SLIT3: variants seen among roughly 807,000 people sequenced by gnomAD.
The protein encoded by SLIT3 is slit homolog 3 protein.
SLIT3 carries 68 observed loss-of-function variants against 184.0 expected under a neutral mutation model. The ratio of observed to expected loss-of-function variants is 0.37; its 90% CI spans 0.30 to 0.45. The LOEUF is 0.45. Among genes scored for constraint, SLIT3 ranks in the 20% least tolerant of loss-of-function variants. SLIT3 has a pLI of 1.00. For missense variants in SLIT3, 1,707 were observed against 2,026.0 expected (o/e 0.84, Z 3.02); for synonymous variants, 831 against 828.6 (o/e 1.00, Z -0.05).
rs186743585 is a variant in SLIT3, at chr5:168,803,913, T to C, written c.935+2533A>G. ...TGAGGGAAGGGAAGTGAAGGTTAAC[T>C]GGGTGGAGAAAGAGGTGGGCAGAGT... On this transcript the variant is annotated intron_variant, in intron 9 of 35. Coordinates refer to ENST00000519560, the MANE Select transcript of SLIT3 (RefSeq NM_003062.4). Among the ~76,000 whole-genome samples the C allele has an allele frequency of 2.0e-5, 3 of 150,012 alleles. No individual in the cohort carries two copies. The East Asian group carries it at 5.9e-4, about 30-fold the overall frequency.
At chr5:168,680,653 C>T (rs1444019052) in intron 32 of SLIT3, among the ~76,000 whole-genome samples, 8 of 152,044 alleles carry the variant, frequency 5.3e-5, no homozygotes, top group African/African-American at 1.9e-4. Context: ...TGTGGTTGGA[C>T]TGGCCTCCTG....
intron 18 of SLIT3, among the ~76,000 whole-genome samples, chr5:168,750,049 AC>A (rs1220468013): frequency 6.6e-6 from 1 of 152,130 alleles, no homozygotes; most frequent in African/African-American, 2.4e-5. Context: ...CAAGTGGGAT[AC>A]TTCAGCCCTA....
At chr5:169,211,604 C>T (rs1214788339) in intron 3 of SLIT3, among the ~76,000 whole-genome samples, 2 of 152,076 alleles carry the variant, frequency 1.3e-5, no homozygotes, top group Admixed American at 1.3e-4. Context: ...TGGGCCTCTT[C>T]CTTTTTTATT....
At chr5:168,828,658 C>CAAAAAAAAAAA (rs56974958) in intron 6 of SLIT3, among the ~76,000 whole-genome samples, 6 of 97,140 alleles carry the variant, frequency 6.2e-5, no homozygotes, top group Admixed American at 1.1e-4. Flanking sequence ...GATCCTGACT[C>CAAAAAAAAAAA]AAAAAAAAAA....
intron 20 of SLIT3, 105 bp downstream of exon 20, chr5:168,748,197 C>T (rs988609466): frequency 2.2e-5 from 28 of 1,299,206 alleles, no homozygotes; most frequent in Non-Finnish European, 2.6e-5. Context: ...GGTCTCCCCC[C>T]GGCAGTTTCG....
chr5:169,088,574 T>A (rs1462672666), intron 4 of SLIT3, among the ~76,000 whole-genome samples: 1 of 152,058 alleles, frequency 6.6e-6, no homozygotes, highest in African/African-American at 2.4e-5. Flanking sequence ...GTCAGAGGAA[T>A]GCAGTATGGA....
At chr5:168,850,786 A>C (rs1758640154) in intron 5 of SLIT3, among the ~76,000 whole-genome samples, 1 of 152,248 alleles carries the variant, frequency 6.6e-6, no homozygotes, top group African/African-American at 2.4e-5. Context: ...TCTCAGCAGG[A>C]GAATAACTGC....
chr5:169,006,263 T>C (rs1474868315), intron 4 of SLIT3, among the ~76,000 whole-genome samples: 1 of 152,212 alleles, frequency 6.6e-6, no homozygotes, highest in Non-Finnish European at 1.5e-5. Flanking sequence ...TCTCTAATCA[T>C]CTATTTTATT....
chr5:169,034,692 T>C (rs1757164022), intron 4 of SLIT3, among the ~76,000 whole-genome samples: 1 of 151,796 alleles, frequency 6.6e-6, no homozygotes, highest in Non-Finnish European at 1.5e-5. Flanking sequence ...ATCAAATAAA[T>C]AAAAATCTCA....
chr5:169,225,003 A>G (rs1764754917), intron 3 of SLIT3, among the ~76,000 whole-genome samples: 1 of 152,210 alleles, frequency 6.6e-6, no homozygotes, highest in Non-Finnish European at 1.5e-5. Flanking sequence ...AATTAAATAC[A>G]CACTTTAAAA....
chr5:168,924,483 GGTGTGTAAGGGTGTGTGT>G (rs1239610394), intron 4 of SLIT3, among the ~76,000 whole-genome samples: 2 of 146,972 alleles, frequency 1.4e-5, no homozygotes, highest in African/African-American at 2.6e-5. Context: ...AACATTTAAG[GGTGTGTAAGGGTGTGTGT>G]GTGTGTATGT....
chr5:169,188,791 T>C (rs1489281090), intron 4 of SLIT3, among the ~76,000 whole-genome samples: 2 of 152,086 alleles, frequency 1.3e-5, no homozygotes, highest in South Asian at 2.1e-4. Context: ...CATGGAGAGG[T>C]CAGTTCTACC....
intron 4 of SLIT3, among the ~76,000 whole-genome samples, chr5:169,100,622 A>T (rs1253394572): frequency 6.6e-6 from 1 of 152,222 alleles, no homozygotes; most frequent in Non-Finnish European, 1.5e-5. Context: ...AGAGGGACAC[A>T]AACGCACTAA....
intron 4 of SLIT3, among the ~76,000 whole-genome samples, chr5:169,100,482 G>T (rs894003237): frequency 3.3e-5 from 5 of 152,200 alleles, no homozygotes; most frequent in Non-Finnish European, 7.3e-5. Flanking sequence ...ATGAAAGCAG[G>T]TAAAGAGTTT....
At chr5:169,011,156 G>C (rs930029016) in intron 4 of SLIT3, among the ~76,000 whole-genome samples, 1 of 152,124 alleles carries the variant, frequency 6.6e-6, no homozygotes, top group Non-Finnish European at 1.5e-5. Context: ...ACCCTGAATT[G>C]CTTCTGAGTC....
At chr5:168,941,895 C>A (rs894199524) in intron 4 of SLIT3, among the ~76,000 whole-genome samples, 1 of 152,200 alleles carries the variant, frequency 6.6e-6, no homozygotes, top group Admixed American at 6.5e-5. Flanking sequence ...GACTGTTAAG[C>A]TTTGGACCCG....
At chr5:169,111,844 G>A (rs569748389) in intron 4 of SLIT3, among the ~76,000 whole-genome samples, 67 of 152,328 alleles carry the variant, frequency 4.4e-4, no homozygotes, top group African/African-American at 1.5e-3. Context: ...CGGACTCTGG[G>A]TCTAGGGGAC....
intron 4 of SLIT3, among the ~76,000 whole-genome samples, chr5:168,928,341 G>T (rs574092329): frequency 6.6e-6 from 1 of 152,322 alleles, no homozygotes; most frequent in East Asian, 1.9e-4. Context: ...AATGAGTAAT[G>T]ATTAAATTTT....
chr5:169,009,659 A>G (rs1359642276), intron 4 of SLIT3, among the ~76,000 whole-genome samples: 1 of 152,250 alleles, frequency 6.6e-6, no homozygotes, highest in East Asian at 1.9e-4. Flanking sequence ...CGTCATGTTA[A>G]GTAGCTGCGT....
Sources: gnomAD v4.1 joint callset for allele counts (sites outside exome capture counted in the v4.1 genomes callset) on GRCh38, gnomAD v4.1.1 for gene constraint, MANE v1.5 for transcripts, NCBI Gene and HGNC (gene_info 2026-07-23, HGNC 2026-07-21) for gene names.